FAM3C: variants seen among roughly 807,000 people sequenced by gnomAD.
FAM3C encodes protein FAM3C.
FAM3C carries 15 observed loss-of-function variants against 32.5 expected under a neutral mutation model. The ratio of observed to expected loss-of-function variants is 0.46; its 90% CI spans 0.31 to 0.71. The LOEUF (loss-of-function observed/expected upper bound fraction) is 0.71. Ranked by LOEUF, FAM3C falls within the 30% of genes least tolerant of loss-of-function variation. FAM3C has a pLI of 0.05. For synonymous variants in FAM3C, 75 were observed against 86.1 expected (o/e 0.87, Z 0.72); for missense variants, 175 against 274.4 (o/e 0.64, Z 2.56).
chr7:121,364,433 A>T (rs909221284), intron 5 of FAM3C: 53 of 406,768 alleles, frequency 1.3e-4, no homozygotes, highest in Admixed American at 3.0e-4. Context: ...TTAGGCCTGA[A>T]ATAATAGACC....
At chr7:121,391,022 T>C (rs1794569072) in intron 1 of FAM3C, among the ~76,000 whole-genome samples, 1 of 152,168 alleles carries the variant, frequency 6.6e-6, no homozygotes, top group South Asian at 2.1e-4. Flanking sequence ...TGGTGAGGAA[T>C]AAATAATCAA....
chr7:121,364,090 C>A, intron 6 of FAM3C, 40 bp downstream of exon 6: 1 of 1,332,964 alleles, frequency 7.5e-7, no homozygotes, highest in Non-Finnish European at 1.1e-6. Flanking sequence ...CAGAAAAATA[C>A]CCAATGATTA....
At chr7:121,382,083 C>A (rs1290306617) in intron 2 of FAM3C, among the ~76,000 whole-genome samples, 1 of 152,086 alleles carries the variant, frequency 6.6e-6, no homozygotes, top group Admixed American at 6.6e-5. Flanking sequence ...ATGTTGGGCA[C>A]ACGCTTAGTA....
chr7:121,367,129 C>A (rs1219090950), intron 5 of FAM3C, among the ~76,000 whole-genome samples: 2 of 152,074 alleles, frequency 1.3e-5, no homozygotes, highest in African/African-American at 4.8e-5. Flanking sequence ...AGGTTAGTAA[C>A]CCTTACTAAC....
At chr7:121,369,921 G>C (rs902319001) in intron 5 of FAM3C, among the ~76,000 whole-genome samples, 6 of 147,838 alleles carry the variant, frequency 4.1e-5, no homozygotes, top group African/African-American at 1.6e-4. Context: ...TTTAATCTGT[G>C]AATAAAAAAC....
At chr7:121,367,483 C>T (rs780446804) in intron 5 of FAM3C, among the ~76,000 whole-genome samples, 1 of 151,986 alleles carries the variant, frequency 6.6e-6, no homozygotes, top group South Asian at 2.1e-4. Flanking sequence ...CTTGATTTTA[C>T]CTCTTTGCCC....
chr7:121,374,174 G>T (rs764264103), intron 3 of FAM3C, among the ~76,000 whole-genome samples: 1 of 152,122 alleles, frequency 6.6e-6, no homozygotes, highest in Non-Finnish European at 1.5e-5. Flanking sequence ...TGTCCTGATT[G>T]TGATAGTGTA....
intron 8 of FAM3C, among the ~76,000 whole-genome samples, chr7:121,357,428 A>G (rs1027628863): frequency 6.6e-6 from 1 of 152,210 alleles, no homozygotes; most frequent in Non-Finnish European, 1.5e-5. Context: ...TTCTATTCAT[A>G]TATAAGAGAG....
At chr7:121,384,394 G>A (rs1368149762) in intron 1 of FAM3C, among the ~76,000 whole-genome samples, 1 of 152,102 alleles carries the variant, frequency 6.6e-6, no homozygotes, top group Non-Finnish European at 1.5e-5. Flanking sequence ...AACCCCAACT[G>A]GTTATAAATC....
chr7:121,373,403 T>G (rs1794184676), intron 3 of FAM3C, among the ~76,000 whole-genome samples: 1 of 152,188 alleles, frequency 6.6e-6, no homozygotes. Flanking sequence ...ACAGGTACAT[T>G]AGTTTTCATA....
intron 4 of FAM3C, 79 bp from the exon 5 acceptor site, chr7:121,371,502 C>T: frequency 2.8e-6 from 4 of 1,404,026 alleles, no homozygotes; most frequent in Non-Finnish European, 4.0e-6. Flanking sequence ...AAATCTCAAA[C>T]CACAAAGAGC....
intron 8 of FAM3C, 176 bp from the exon 9 acceptor site, chr7:121,351,445 A>C (rs1166814266): frequency 7.8e-6 from 4 of 514,200 alleles, no homozygotes; most frequent in Non-Finnish European, 1.3e-5. Context: ...TTTAGTGACA[A>C]AAGACATGAA....
intron 3 of FAM3C, 105 bp from the exon 4 acceptor site, chr7:121,372,244 C>T (rs939082104): frequency 7.0e-6 from 5 of 714,012 alleles, no homozygotes; most frequent in Non-Finnish European, 4.9e-6. Context: ...AATAATGATT[C>T]AGTATACAAT....
chr7:121,384,916 T>C (rs1794436295), intron 1 of FAM3C, among the ~76,000 whole-genome samples: 1 of 152,202 alleles, frequency 6.6e-6, no homozygotes, highest in African/African-American at 2.4e-5. Context: ...GATGATAATG[T>C]GCTAATTCTA....
intron 3 of FAM3C, among the ~76,000 whole-genome samples, chr7:121,373,134 A>G (rs905070003): frequency 6.6e-6 from 1 of 152,194 alleles, no homozygotes; most frequent in Non-Finnish European, 1.5e-5. Flanking sequence ...CTGGGATATA[A>G]TTTTGGGAAA....
At chr7:121,388,946 C>T (rs1345761789) in intron 1 of FAM3C, among the ~76,000 whole-genome samples, 2 of 152,100 alleles carry the variant, frequency 1.3e-5, no homozygotes, top group East Asian at 1.9e-4. Flanking sequence ...TTTCATTTGG[C>T]GCTCCTGACA....
At chr7:121,368,149 T>C (rs2707479) in intron 5 of FAM3C, among the ~76,000 whole-genome samples, 39,028 of 152,026 alleles carry the variant, frequency 0.26, 6,041 homozygotes, top group African/African-American at 0.44. Context: ...ATTGTAATTA[T>C]CACCTGTCTG....
At chr7:121,385,252 T>C (rs1794443507) in intron 1 of FAM3C, among the ~76,000 whole-genome samples, 1 of 152,140 alleles carries the variant, frequency 6.6e-6, no homozygotes, top group Non-Finnish European at 1.5e-5. Flanking sequence ...AGGATATTTT[T>C]AGGATGGAAA....
chr7:121,395,662 G>C (rs765685036), intron 1 of FAM3C, among the ~76,000 whole-genome samples: 1 of 152,026 alleles, frequency 6.6e-6, no homozygotes, highest in Non-Finnish European at 1.5e-5. Flanking sequence ...TCAAAGGGCT[G>C]GATAGCTTGT....
Sources: gnomAD v4.1 joint callset for allele counts (sites outside exome capture counted in the v4.1 genomes callset) on GRCh38, gnomAD v4.1.1 for gene constraint, MANE v1.5 for transcripts, NCBI Gene and HGNC (gene_info 2026-07-23, HGNC 2026-07-21) for gene names.